Variants in TGM5 observed in about 807,000 individuals in gnomAD.
The protein encoded by TGM5 is protein-glutamine gamma-glutamyltransferase 5.
TGM5 carries 69 observed loss-of-function variants against 77.2 expected under a neutral mutation model. The ratio of observed to expected loss-of-function variants is 0.89; its 90% confidence interval spans 0.74 to 1.09. TGM5 has a LOEUF of 1.09. Ranked by LOEUF, TGM5 falls within the 50% of genes least tolerant of loss-of-function variation. The pLI is 0.00. For missense variants in TGM5, 842 were observed against 896.5 expected (o/e 0.94, Z 0.78); for synonymous variants, 346 against 351.8 (o/e 0.98, Z 0.18).
At chr15:43,264,833 C>T (rs776496503) in intron 1 of TGM5, among the ~76,000 whole-genome samples, 7 of 152,020 alleles carry the variant, frequency 4.6e-5, no homozygotes, top group Non-Finnish European at 5.9e-5. Context: ...GCCAAAATAC[C>T]CTAATAAGTA....
chr15:43,256,430 C>T (rs527814603), intron 4 of TGM5, 138 bp downstream of exon 4: 80 of 778,584 alleles, frequency 1.0e-4, no homozygotes, highest in Non-Finnish European at 1.8e-4. Flanking sequence ...CTCGGGCAAC[C>T]TGGGCTCACA....
chr15:43,260,084 T>A lies in TGM5; in HGVS notation c.404A>T (p.Glu135Val), dbSNP rs750072662. 3.7e-6 allele frequency: 6 copies of A among 1,613,894 alleles called. No individual in the cohort carries two copies. The highest frequency in any genetic ancestry group is 5.1e-6 in the Non-Finnish European group (6 of 1,179,990). Residue 135 changes from glutamate to valine, a missense_variant, in exon 3 of 13, where the codon GAG becomes GTG. Glu to Val is a moderately radical substitution (Grantham distance 121). Transcript: ENST00000220420. ...QGSVTAYQLG[E>V]FILLFNPWCP... ...CCAGGGATTGAAAAGCAGGATGAACTCCCCTAGCTGGTAGGCCGTCACAGA... is the reference window on the plus strand; with the variant it reads ...CCAGGGATTGAAAAGCAGGATGAACACCCCTAGCTGGTAGGCCGTCACAGA...
intron 3 of TGM5, among the ~76,000 whole-genome samples, chr15:43,258,158 A>G (rs1169046097): frequency 6.6e-6 from 1 of 152,116 alleles, no homozygotes; most frequent in African/African-American, 2.4e-5. Context: ...CAGCACACCA[A>G]CATGGCACAT....
chr15:43,261,090 T>TTTTTTTTTTTG (rs2042786313), intron 1 of TGM5, among the ~76,000 whole-genome samples: 7 of 97,116 alleles, frequency 7.2e-5, no homozygotes, highest in African/African-American at 2.6e-4. Flanking sequence ...TTTTTTTTTT[T>TTTTTTTTTTTG]TTTTTTTTTT....
At chr15:43,247,633 G>GT (rs1378737164) in intron 6 of TGM5, 3 of 149,478 alleles carry the variant, frequency 2.0e-5, no homozygotes, top group South Asian at 2.1e-4. Context: ...GAAATGGAAG[G>GT]TAAAAAAAAA....
chr15:43,265,943 C>A (rs1243504283), intron 1 of TGM5, among the ~76,000 whole-genome samples: 1 of 151,872 alleles, frequency 6.6e-6, no homozygotes, highest in African/African-American at 2.4e-5. Flanking sequence ...AATATACATA[C>A]AATATGATGA....
At chr15:43,255,885 G>A (rs2042738939) in intron 4 of TGM5, among the ~76,000 whole-genome samples, 1 of 152,194 alleles carries the variant, frequency 6.6e-6, no homozygotes, top group Middle Eastern at 3.2e-3. Context: ...ATAAAGTAGC[G>A]TTTTAGAATG....
At chr15:43,242,901 A>C (rs2042647064) in intron 6 of TGM5, among the ~76,000 whole-genome samples, 1 of 152,252 alleles carries the variant, frequency 6.6e-6, no homozygotes, top group South Asian at 2.1e-4. Context: ...TTATGCTAAA[A>C]GTACAGTCAG....
At chr15:43,238,686 G>C in intron 9 of TGM5, 131 bp downstream of exon 9, 2 of 1,406,280 alleles carry the variant, frequency 1.4e-6, no homozygotes, top group Non-Finnish European at 1.9e-6. Flanking sequence ...ACCCCAACTG[G>C]GGCCTCAAAA....
At chr15:43,257,009 C>A (rs2042746654) in intron 3 of TGM5, among the ~76,000 whole-genome samples, 1 of 152,212 alleles carries the variant, frequency 6.6e-6, no homozygotes, top group South Asian at 2.1e-4. Flanking sequence ...CACATCAGCA[C>A]AGAGCTGGAA....
chr15:43,241,980 G>C (rs1311265661), intron 6 of TGM5, among the ~76,000 whole-genome samples: 1 of 152,142 alleles, frequency 6.6e-6, no homozygotes, highest in Non-Finnish European at 1.5e-5. Flanking sequence ...ACCATGAAAT[G>C]CTCTGGGGAT....
In TGM5 at chr15:43,233,104, TGTG is replaced by T. The variant is rs2042558133; in HGVS notation, c.*84_*86del. On this transcript the variant is annotated 3_prime_UTR_variant, in exon 13 of 13. Transcript: ENST00000220420. ...TGCTGGAGCCCTGTGAAGCCTCTGTTGTGGTGGGGAATGGCGCAGCTTGCATTT... is the reference window on the plus strand; with the variant it reads ...TGCTGGAGCCCTGTGAAGCCTCTGTTGTGGGGAATGGCGCAGCTTGCATTT... The T allele has an allele frequency of 2.6e-6, 4 of 1,536,290 alleles. No homozygotes were observed. The highest frequency in any genetic ancestry group is 3.6e-5 in the Admixed American group (2 of 56,176).
In TGM5 at chr15:43,260,185, C is replaced by A. The variant is rs754422250; in HGVS notation, c.303G>T (p.Glu101Asp). The A allele has an allele frequency of 6.2e-7, 1 of 1,614,094 alleles. No homozygotes were observed. Among genetic ancestry groups the A allele is most frequent in the Non-Finnish European group, 8.5e-7 (1 of 1,180,042 alleles). ...WLETNGATST[E>D]VSLCAPPTAA... is the part of the protein sequence containing the mutation. ...CCGTGGGAGGAGCGCACAAGCTCAC[C>A]TCTGTGGAGGTGGCCCCATTGGTCT... is the stretch of plus-strand genomic sequence containing the variant. Residue 101 changes from glutamate to aspartate, a missense_variant, in exon 3 of 13, where the codon GAG (glutamate) becomes GAT (aspartate). This residue lies in a region of TGM5 where 815 missense variants were observed against 844.6 expected (regional missense o/e 0.96). Transcript: ENST00000220420.
At chr15:43,249,312 G>A (rs2042689132) in intron 6 of TGM5, among the ~76,000 whole-genome samples, 1 of 152,160 alleles carries the variant, frequency 6.6e-6, no homozygotes, top group Non-Finnish European at 1.5e-5. Flanking sequence ...CTTGTAAAGT[G>A]GACAGTTCAG....
At chr15:43,239,472 A>G (rs577005015) in intron 7 of TGM5, 3 of 616,624 alleles carry the variant, frequency 4.9e-6, no homozygotes, top group South Asian at 1.9e-5. Context: ...GCTTGAGCTC[A>G]GGAGTTCAAG....
At chr15:43,256,134 C>T (rs1343965833) in intron 4 of TGM5, among the ~76,000 whole-genome samples, 1 of 152,166 alleles carries the variant, frequency 6.6e-6, no homozygotes, top group Non-Finnish European at 1.5e-5. Flanking sequence ...ATTCAGGGGA[C>T]AAGTTGTCCT....
chr15:43,261,997 G>T (rs894649041), intron 1 of TGM5, among the ~76,000 whole-genome samples: 9 of 152,116 alleles, frequency 5.9e-5, no homozygotes, highest in African/African-American at 1.9e-4. Flanking sequence ...GCTTATTCTT[G>T]CATTCTCACT....
chr15:43,235,219 G>A (rs1464732138), intron 10 of TGM5, among the ~76,000 whole-genome samples: 1 of 150,804 alleles, frequency 6.6e-6, no homozygotes, highest in South Asian at 2.1e-4. Flanking sequence ...AGGAAAGGAG[G>A]AGGAAGAGAA....
Position 43,253,616 on chromosome 15 carries a change from C to T in TGM5, c.574G>A (p.Asp192Asn). The change falls in exon 5 of 13, where the codon GAC becomes AAC. Residue 192 changes from aspartate to asparagine, a missense_variant. Asp to Asn is a conservative substitution (Grantham distance 23). This residue lies in a region of TGM5 where 815 missense variants were observed against 844.6 expected (regional missense o/e 0.96). Transcript: ENST00000220420. ...NYGQFEDKII[D>N]ICLKLLDKSL... is the part of the protein sequence containing the mutation. ...TTGTCTAGCAGCTTCAGGCAGATGT[C>T]TATGATTTTGTCTTCAAACTTCGGG... The T allele has an allele frequency of 6.2e-7, 1 of 1,613,566 alleles. No individual in the cohort carries two copies. The highest frequency in any genetic ancestry group is 1.1e-5 in the South Asian group (1 of 91,090).
Sources: gnomAD v4.1 joint callset for allele counts (sites outside exome capture counted in the v4.1 genomes callset) on GRCh38, gnomAD v4.1.1 for gene constraint, gnomAD v4.1.1 regional missense constraint, MANE v1.5 for transcripts, NCBI Gene and HGNC (gene_info 2026-07-23, HGNC 2026-07-21) for gene names.